TENM1: variants seen among roughly 807,000 people sequenced by gnomAD.
TENM1 encodes the protein teneurin-1.
TENM1 carries 35 observed loss-of-function variants against 174.8 expected under a neutral mutation model. The observed-to-expected ratio is 0.20, with a 90% CI of 0.15 to 0.27. The LOEUF (loss-of-function observed/expected upper bound fraction) is 0.27. TENM1 is among the 10% of genes least tolerant of loss of function. TENM1 has a pLI of 1.00. For synonymous variants in TENM1, 781 were observed against 798.7 expected (o/e 0.98, Z 0.37); for missense variants, 1,633 against 2,130.1 (o/e 0.77, Z 4.59).
chrX:124,856,125 G>A (rs1159106381), intron 3 of TENM1, among the ~76,000 whole-genome samples: 1 of 110,610 alleles, frequency 9.0e-6, no homozygotes, highest in East Asian at 2.8e-4. Flanking sequence ...AATTCCGACT[G>A]CCAATTTTCC....
At chrX:125,034,137 TGA>T in the TENM1 span, among the ~76,000 whole-genome samples, 1 of 111,442 alleles carries the variant, frequency 9.0e-6, no homozygotes, top group Non-Finnish European at 1.9e-5. Flanking sequence ...CAAGAGCTCT[TGA>T]CTCCCTAGGC....
chrX:124,407,141 A>G (rs1024806108), intron 25 of TENM1, among the ~76,000 whole-genome samples: 1 of 109,831 alleles, frequency 9.1e-6, no homozygotes, highest in Non-Finnish European at 1.9e-5. Context: ...CTATATGAGT[A>G]AGAGACAAAA....
the TENM1 span, among the ~76,000 whole-genome samples, chrX:124,970,532 A>T: frequency 8.0e-5 from 9 of 112,413 alleles, no homozygotes; most frequent in African/African-American, 2.9e-4. Flanking sequence ...GAAAGGTGAA[A>T]TTCTGACTGA....
chrX:125,163,886 T>A, the TENM1 span, among the ~76,000 whole-genome samples: 1 of 111,697 alleles, frequency 9.0e-6, no homozygotes, highest in Non-Finnish European at 1.9e-5. Flanking sequence ...TTCTAACATA[T>A]CTTAGTACTG....
At chrX:125,163,042 C>A in the TENM1 span, among the ~76,000 whole-genome samples, 1 of 111,541 alleles carries the variant, frequency 9.0e-6, no homozygotes, top group Non-Finnish European at 1.9e-5. Flanking sequence ...CCCGCTGCCA[C>A]CACTTTATCC....
intron 23 of TENM1, among the ~76,000 whole-genome samples, chrX:124,443,042 CTATGTGTGTGTGTGTGTGTGTGTGTGTG>C (rs1295177311): frequency 2.4e-5 from 1 of 42,169 alleles, no homozygotes; most frequent in South Asian, 1.5e-3. Flanking sequence ...GCCTGGATGA[CTATGTGTGTGTGTGTGTGTGTGTGTGTG>C]TGTGTGTGTG....
At chrX:125,006,807 G>A in the TENM1 span, among the ~76,000 whole-genome samples, 5 of 111,170 alleles carry the variant, frequency 4.5e-5, no homozygotes, top group South Asian at 7.7e-4. Context: ...TAACAAACAG[G>A]AAGTAAAAAC....
chrX:124,506,737 T>A (rs774203239), intron 18 of TENM1, among the ~76,000 whole-genome samples: 4 of 111,677 alleles, frequency 3.6e-5, no homozygotes, highest in South Asian at 7.5e-4. Context: ...TGCAATCAGC[T>A]TATGAGAAGG....
At chrX:125,102,599 A>T in the TENM1 span, among the ~76,000 whole-genome samples, 2 of 112,010 alleles carry the variant, frequency 1.8e-5, no homozygotes, top group Non-Finnish European at 3.8e-5. Flanking sequence ...TGCTAAGCTA[A>T]CTGCAAAAAC....
intron 3 of TENM1, among the ~76,000 whole-genome samples, chrX:124,839,161 A>T (rs746149902): frequency 2.7e-5 from 3 of 112,268 alleles, no homozygotes; most frequent in Non-Finnish European, 5.6e-5. Context: ...TCAAAAACAA[A>T]GCTGTTTGAA....
intron 11 of TENM1, among the ~76,000 whole-genome samples, chrX:124,594,325 T>G (rs747475497): frequency 1.6e-3 from 175 of 111,753 alleles, no homozygotes; most frequent in Non-Finnish European, 3.0e-3. Flanking sequence ...CTTTTTTAAC[T>G]TAAAAAAAAT....
chrX:124,509,713 ATTTT>A (rs753100747), intron 18 of TENM1, among the ~76,000 whole-genome samples: 35 of 75,860 alleles, frequency 4.6e-4, no homozygotes, highest in African/African-American at 1.9e-3. Flanking sequence ...ACTTTCTGGA[ATTTT>A]TTTTTTTTTT....
the TENM1 span, among the ~76,000 whole-genome samples, chrX:125,164,725 C>T: frequency 2.9e-4 from 32 of 111,768 alleles, no homozygotes; most frequent in Admixed American, 4.7e-4. Flanking sequence ...AATTATACTT[C>T]ATTGAGTAAA....
the TENM1 span, among the ~76,000 whole-genome samples, chrX:125,078,996 C>T: frequency 2.7e-5 from 3 of 111,256 alleles, no homozygotes; most frequent in East Asian, 2.8e-4. Flanking sequence ...CAGGAGCTTA[C>T]GCAAGTTCTC....
At chrX:124,498,742 T>C (rs1004640518) in intron 19 of TENM1, among the ~76,000 whole-genome samples, 93 of 109,981 alleles carry the variant, frequency 8.5e-4, no homozygotes, top group African/African-American at 2.9e-3. Context: ...TTGTTTTCCA[T>C]AGCTCTGTTA....
intron 3 of TENM1, among the ~76,000 whole-genome samples, chrX:124,879,914 T>C (rs2057274895): frequency 1.8e-5 from 2 of 112,291 alleles, no homozygotes; most frequent in African/African-American, 6.5e-5. Flanking sequence ...TATGTGTCTG[T>C]TTTTATACCA....
At chrX:124,717,627 C>A (rs956319821) in intron 4 of TENM1, among the ~76,000 whole-genome samples, 14 of 111,760 alleles carry the variant, frequency 1.3e-4, no homozygotes, top group African/African-American at 2.9e-4. Flanking sequence ...CCTGGCTGTA[C>A]TTACTGTGCT....
chrX:125,097,439 G>A, the TENM1 span, among the ~76,000 whole-genome samples: 1 of 111,530 alleles, frequency 9.0e-6, no homozygotes, highest in African/African-American at 3.3e-5. Context: ...GAGTATGTAT[G>A]TACATGCAGA....
In TENM1 at chrX:124,753,060, T is replaced by A. The variant is rs778255717; in HGVS notation, c.536-15863A>T. On this transcript the variant is annotated intron_variant, in intron 3 of 31. Coordinates refer to ENST00000422452, the Ensembl canonical transcript of TENM1. The stretch of plus-strand genomic sequence containing the variant: ...GTAGCTTGATGGGGATGGCATTGAA[T>A]CTATAAATTACCTTGGGCAGTATGG... 8.0e-3 allele frequency among the ~76,000 whole-genome samples: 885 copies of A among 110,656 alleles called. 9 individuals carry two copies. Among genetic ancestry groups the A allele is most frequent in the African/African-American group, 0.028 (838 of 30,347 alleles).
Sources: gnomAD v4.1 joint callset for allele counts (sites outside exome capture counted in the v4.1 genomes callset) on GRCh38, gnomAD v4.1.1 for gene constraint, MANE v1.5 for transcripts, NCBI Gene and HGNC (gene_info 2026-07-23, HGNC 2026-07-21) for gene names.